Variants in MICAL3 observed in about 807,000 individuals in gnomAD.
MICAL3 encodes the protein microtubule associated monooxygenase, calponin and LIM domain containing 3, also known as [F-actin]-monooxygenase MICAL3.
Under a neutral mutation model 207.4 loss-of-function variants are expected in MICAL3, and 62 were observed. That is an observed-to-expected ratio of 0.30 (90% CI 0.24 to 0.37). The LOEUF is 0.37. MICAL3 is among the 10% of genes least tolerant of loss of function. The pLI is 1.00. For synonymous variants in MICAL3, 1,077 were observed against 1,069.3 expected (o/e 1.01, Z -0.14); for missense variants, 2,368 against 2,635.6 (o/e 0.90, Z 2.22).
intron 29 of MICAL3, among the ~76,000 whole-genome samples, chr22:17,795,289 T>A (rs1394823285): frequency 3.9e-5 from 6 of 152,236 alleles, no homozygotes; most frequent in African/African-American, 1.2e-4. Flanking sequence ...CTTCAAAGTG[T>A]AGTCTGTCTT....
intron 29 of MICAL3, among the ~76,000 whole-genome samples, chr22:17,804,982 C>T (rs2061975708): frequency 6.6e-6 from 1 of 152,176 alleles, no homozygotes; most frequent in South Asian, 2.1e-4. Flanking sequence ...ATCCTTGCAG[C>T]CTGGCCATAC....
chr22:17,917,855 T>A (rs971539744), intron 1 of MICAL3, among the ~76,000 whole-genome samples: 6 of 152,142 alleles, frequency 3.9e-5, no homozygotes, highest in African/African-American at 1.4e-4. Context: ...TCGACCCACA[T>A]CCTGTGGACA....
rs770519294 is a variant in MICAL3, at chr22:17,900,965, C to A, written c.724G>T (p.Ala242Ser). 1 of 1,613,964 alleles carries A rather than the reference C, an allele frequency of 6.2e-7. No individual in the cohort carries two copies. The highest frequency in any genetic ancestry group is 8.5e-7 in the Non-Finnish European group (1 of 1,179,856). ...FRRKEFRGKL[A>S]IAITANFINR... ...ATAAAATTTGCCGTGATGGCGATGG[C>A]CAGTTTGCCACGGAATTCTTTCCGA... The change falls in exon 6 of 32, where the codon GCC becomes TCC. Residue 242 changes from alanine to serine, a missense_variant. Ala to Ser is a moderately conservative substitution (Grantham distance 99). Transcript: ENST00000441493. The surrounding 1 kb of genome is among the most constrained non-coding windows in gnomAD (Gnocchi z 4.0).
At chr22:17,860,645 G>A in intron 19 of MICAL3, 14 of 985,500 alleles carry the variant, frequency 1.4e-5, no homozygotes, top group Non-Finnish European at 1.7e-5. Context: ...TAACTCAGTG[G>A]AGCCAGACAG....
intron 19 of MICAL3, among the ~76,000 whole-genome samples, chr22:17,844,153 C>T (rs1454633316): frequency 1.3e-5 from 2 of 152,050 alleles, no homozygotes; most frequent in Admixed American, 1.3e-4. Context: ...GCTGTGTTAC[C>T]AGACCTTCAA....
At chr22:17,849,199 C>T (rs937814074) in intron 19 of MICAL3, among the ~76,000 whole-genome samples, 2 of 152,252 alleles carry the variant, frequency 1.3e-5, no homozygotes, top group African/African-American at 2.4e-5. Flanking sequence ...CGGCCTTAAA[C>T]ATCACAAATC....
chr22:17,883,833 A>G (rs1159953869), intron 16 of MICAL3, among the ~76,000 whole-genome samples: 1 of 152,122 alleles, frequency 6.6e-6, no homozygotes, highest in Non-Finnish European at 1.5e-5. Flanking sequence ...GTTCCAGACT[A>G]TTTTCCTGGA....
At position 17,818,780 on chromosome 22, in the gene MICAL3, G is replaced by A; in HGVS notation, c.3881C>T (p.Ala1294Val). 1 of 1,585,186 alleles carries A rather than the reference G, an allele frequency of 6.3e-7. No individual in the cohort carries two copies. The highest frequency in any genetic ancestry group is 8.6e-7 in the Non-Finnish European group (1 of 1,161,596). Reference protein sequence around the residue: ...PAPAKTSTPLAPLPVQSQSDT... With the variant: ...PAPAKTSTPLVPLPVQSQSDT... ...ACTTTGGCTTTGGACAGGGAGAGGG[G>A]CCAGTGGGGTGGATGTTTTGGCCGG... is the stretch of plus-strand genomic sequence containing the variant. Residue 1294 changes from alanine (A) to valine (V), a missense_variant, in exon 26 of 32, where the codon GCC becomes GTC. By Grantham distance (64) the Ala-to-Val change is moderately conservative. Around this residue, in one of 4 missense-constraint regions of MICAL3, gnomAD observed 1,770 missense variants for 1,863.2 expected, o/e 0.95. Coordinates refer to ENST00000441493, the MANE Select transcript of MICAL3 (RefSeq NM_015241.3).
chr22:17,955,552 C>G (rs1284548752), intron 1 of MICAL3, among the ~76,000 whole-genome samples: 1 of 152,234 alleles, frequency 6.6e-6, no homozygotes, highest in Non-Finnish European at 1.5e-5. Context: ...AGAGAGAGCC[C>G]TGGCTGAGAA....
chr22:17,956,640 G>C (rs928353827), intron 1 of MICAL3, among the ~76,000 whole-genome samples: 3 of 152,154 alleles, frequency 2.0e-5, no homozygotes, highest in Non-Finnish European at 2.9e-5. Flanking sequence ...TTGCACTCCA[G>C]CCTGGGCACA....
At chr22:17,875,586 T>A in intron 16 of MICAL3, 1 of 1,392,694 alleles carries the variant, frequency 7.2e-7, no homozygotes. Context: ...AAAACAAAAG[T>A]AAAGGAAATG....
rs576525746 is a variant in MICAL3, at chr22:17,824,205, G to A, written c.3194-1145C>T. ...GAGACCCACAGGACCACTGGCCGGG[G>A]GCCTGCGGGCTCTCCTAGGGTTCAA... On this transcript the variant is annotated intron_variant, in intron 22 of 31. Transcript: ENST00000441493. Among the ~76,000 whole-genome samples the A allele has an allele frequency of 4.6e-5, 7 of 152,282 alleles. No individual in the cohort carries two copies. In the South Asian group the frequency reaches 1.4e-3, roughly 32 times the overall value.
At chr22:17,871,069 T>A (rs1927678087) in intron 17 of MICAL3, among the ~76,000 whole-genome samples, 1 of 152,202 alleles carries the variant, frequency 6.6e-6, no homozygotes, top group African/African-American at 2.4e-5. Flanking sequence ...GGCCCCCTCA[T>A]TACTCTGGAA....
At chr22:17,878,886 G>T (rs1245076334) in intron 16 of MICAL3, among the ~76,000 whole-genome samples, 2 of 151,990 alleles carry the variant, frequency 1.3e-5, no homozygotes, top group Admixed American at 6.6e-5. Context: ...AAATCCTCAC[G>T]CTGGTAAGAG....
chr22:17,975,269 G>C lies in MICAL3; in HGVS notation c.-75+49012C>G, dbSNP rs116656760. 6.2e-3 allele frequency among the ~76,000 whole-genome samples: 939 copies of C among 152,108 alleles called. 14 individuals are homozygous for C. The highest frequency in any genetic ancestry group is 0.017 in the African/African-American group (714 of 41,470). On this transcript the variant is annotated intron_variant, in intron 1 of 31. Transcript: ENST00000441493. ...ATGGGAAGTGGCTCTACTCAGAATG[G>C]GAACAGGACCACGCTTCAGTTCAAA...
At chr22:17,945,270 G>A (rs971104070) in intron 1 of MICAL3, among the ~76,000 whole-genome samples, 1 of 151,970 alleles carries the variant, frequency 6.6e-6, no homozygotes, top group South Asian at 2.1e-4. Context: ...GGTGTAAAAC[G>A]ACTGCCAGCC....
chr22:17,922,920 G>C (rs993874558), intron 1 of MICAL3, among the ~76,000 whole-genome samples: 4 of 152,134 alleles, frequency 2.6e-5, no homozygotes, highest in Non-Finnish European at 4.4e-5. Context: ...CCCTAAACCA[G>C]CTCAGTGGAA....
At chr22:17,827,140 T>C (rs1182084636) in intron 22 of MICAL3, among the ~76,000 whole-genome samples, 5 of 152,208 alleles carry the variant, frequency 3.3e-5, no homozygotes, top group Non-Finnish European at 2.9e-5. Context: ...ATCTTCATCC[T>C]ACTGTGTGAC....
chr22:17,940,699 A>T (rs1319317292), intron 1 of MICAL3, among the ~76,000 whole-genome samples: 2 of 152,210 alleles, frequency 1.3e-5, no homozygotes, highest in Non-Finnish European at 2.9e-5. Context: ...AGAGAGGATC[A>T]GAAAGGGAAA....
Sources: allele counts gnomAD v4.1 joint callset (sites outside exome capture counted in the v4.1 genomes callset), GRCh38; gene constraint gnomAD v4.1.1; regional missense constraint gnomAD v4.1.1; non-coding constraint Gnocchi (gnomAD v3.1); transcripts MANE v1.5; gene names NCBI Gene and HGNC (gene_info 2026-07-23, HGNC 2026-07-21).